CTNNA3: variants seen among roughly 807,000 people sequenced by gnomAD.
CTNNA3 encodes catenin alpha 3.
Under a neutral mutation model 95.7 loss-of-function variants are expected in CTNNA3, and 76 were observed. The observed-to-expected ratio is 0.79, with a 90% CI of 0.66 to 0.96. CTNNA3 has a LOEUF of 0.96. Among genes scored for constraint, CTNNA3 ranks in the 40% least tolerant of loss-of-function variants. The pLI is 0.00. For synonymous variants in CTNNA3, 431 were observed against 374.4 expected (o/e 1.15, Z -1.74); for missense variants, 1,191 against 1,089.8 (o/e 1.09, Z -1.31).
chr10:67,187,442 C>A (rs1158551763), intron 6 of CTNNA3, among the ~76,000 whole-genome samples: 5 of 152,142 alleles, frequency 3.3e-5, no homozygotes, highest in Non-Finnish European at 1.5e-5. Flanking sequence ...CTTCTTCATT[C>A]ACCTGAGTCT....
intron 11 of CTNNA3, among the ~76,000 whole-genome samples, chr10:66,502,883 C>T (rs1840326159): frequency 6.6e-6 from 1 of 151,958 alleles, no homozygotes; most frequent in South Asian, 2.1e-4. Flanking sequence ...ATTTACATTC[C>T]CAGAAGTATT....
intron 3 of CTNNA3, among the ~76,000 whole-genome samples, chr10:67,567,137 G>T (rs1029006424): frequency 6.6e-6 from 1 of 151,296 alleles, no homozygotes; most frequent in Non-Finnish European, 1.5e-5. Context: ...TAACCTGCAT[G>T]TTGTGCACAT....
intron 12 of CTNNA3, among the ~76,000 whole-genome samples, chr10:66,347,677 A>T (rs971496927): frequency 4.6e-5 from 7 of 152,042 alleles, no homozygotes; most frequent in Non-Finnish European, 8.8e-5. Context: ...TATATGTTTA[A>T]AAAAAGTTAA....
At chr10:67,068,661 A>G (rs1856243950) in intron 7 of CTNNA3, among the ~76,000 whole-genome samples, 1 of 152,228 alleles carries the variant, frequency 6.6e-6, no homozygotes, top group Non-Finnish European at 1.5e-5. Context: ...GAGGGGAGAG[A>G]GTTTTAATAA....
intron 9 of CTNNA3, among the ~76,000 whole-genome samples, chr10:66,697,250 A>G (rs1281003682): frequency 2.7e-5 from 4 of 149,418 alleles, no homozygotes; most frequent in African/African-American, 9.8e-5. Flanking sequence ...TATATCAGAT[A>G]TATCTATATA....
At chr10:66,578,275 G>A (rs1238216576) in intron 10 of CTNNA3, among the ~76,000 whole-genome samples, 1 of 151,874 alleles carries the variant, frequency 6.6e-6, no homozygotes, top group Non-Finnish European at 1.5e-5. Flanking sequence ...CCAAGAGTGA[G>A]TTAGACTTCC....
chr10:65,944,125 A>G (rs1344455998), intron 17 of CTNNA3, among the ~76,000 whole-genome samples: 1 of 152,228 alleles, frequency 6.6e-6, no homozygotes. Flanking sequence ...TTGGCAAAGG[A>G]AGATTCTTAA....
chr10:67,620,387 C>G (rs551303542), intron 2 of CTNNA3, among the ~76,000 whole-genome samples: 2 of 152,286 alleles, frequency 1.3e-5, no homozygotes, highest in East Asian at 1.9e-4. Flanking sequence ...CCAAAGGCCG[C>G]ATCTCCCACC....
chr10:66,927,939 CA>C lies in CTNNA3; in HGVS notation c.1048-152416del. ...TAAGGGAGAATACAATTATCTGTGC[CA>C]GTCCCAAAGAGCTGCAAGGAGTAAA... On this transcript the variant is annotated intron_variant, in intron 7 of 17. Coordinates refer to ENST00000433211, the MANE Select transcript of CTNNA3 (RefSeq NM_013266.4). This position sits in a 1 kb window ranked among gnomAD's most constrained non-coding sequence, Gnocchi z 4.7. The C allele has an allele frequency of 6.2e-7, 1 of 1,614,192 alleles. No homozygotes were observed. The highest frequency in any genetic ancestry group is 2.2e-5 in the East Asian group (1 of 44,882).
intron 7 of CTNNA3, among the ~76,000 whole-genome samples, chr10:66,928,975 G>T (rs567005944): frequency 6.6e-6 from 1 of 152,144 alleles, no homozygotes; most frequent in Non-Finnish European, 1.5e-5. Context: ...ACTTAGAAAA[G>T]AAAATTGCAG....
At chr10:67,438,947 A>T (rs1356384400) in intron 5 of CTNNA3, among the ~76,000 whole-genome samples, 2 of 152,092 alleles carry the variant, frequency 1.3e-5, no homozygotes, top group Non-Finnish European at 2.9e-5. Context: ...CGGGCCAGAG[A>T]GCTCTGGGGT....
intron 9 of CTNNA3, among the ~76,000 whole-genome samples, chr10:66,677,868 A>G (rs1846917560): frequency 6.6e-6 from 1 of 152,146 alleles, no homozygotes; most frequent in South Asian, 2.1e-4. Flanking sequence ...AACTTGGGTC[A>G]TTGTAATGGA....
intron 5 of CTNNA3, among the ~76,000 whole-genome samples, chr10:67,451,759 C>T (rs1020928130): frequency 1.3e-5 from 2 of 152,172 alleles, no homozygotes; most frequent in African/African-American, 4.8e-5. Flanking sequence ...ATTCTCAGTT[C>T]CCAGCTTTTC....
chr10:66,115,535 T>TAGAC (rs1554853217), intron 13 of CTNNA3, among the ~76,000 whole-genome samples: 2 of 130,594 alleles, frequency 1.5e-5, no homozygotes, highest in South Asian at 5.3e-4. Flanking sequence ...GATAGATAGA[T>TAGAC]AGATAGATAG....
At chr10:67,023,586 G>A (rs913148355) in intron 7 of CTNNA3, among the ~76,000 whole-genome samples, 2 of 152,126 alleles carry the variant, frequency 1.3e-5, no homozygotes, top group African/African-American at 4.8e-5. Context: ...TGTCAGACAA[G>A]GTGATGATCC....
chr10:66,762,219 G>C (rs945282547), intron 9 of CTNNA3, among the ~76,000 whole-genome samples: 2 of 152,058 alleles, frequency 1.3e-5, no homozygotes, highest in Non-Finnish European at 2.9e-5. Context: ...CACCAACAAG[G>C]TGAGATCAAA....
chr10:67,352,604 T>A (rs540964825), intron 5 of CTNNA3, among the ~76,000 whole-genome samples: 39 of 152,136 alleles, frequency 2.6e-4, no homozygotes, highest in Non-Finnish European at 3.5e-4. Context: ...TAGAAAGGTA[T>A]GAATGTTCCA....
At chr10:66,621,103 C>T (rs767978740) in intron 10 of CTNNA3, among the ~76,000 whole-genome samples, 16 of 151,982 alleles carry the variant, frequency 1.1e-4, no homozygotes, top group Admixed American at 3.9e-4. Context: ...GAAAATATTT[C>T]TTAACTTTTT....
chr10:66,002,631 G>T (rs191644199), intron 15 of CTNNA3, among the ~76,000 whole-genome samples: 2 of 151,800 alleles, frequency 1.3e-5, no homozygotes, highest in East Asian at 3.9e-4. Flanking sequence ...AGTTGTTCAA[G>T]GACCTAGGTA....
Sources: allele counts gnomAD v4.1 joint callset (sites outside exome capture counted in the v4.1 genomes callset), GRCh38; gene constraint gnomAD v4.1.1; non-coding constraint Gnocchi (gnomAD v3.1); transcripts MANE v1.5; gene names NCBI Gene and HGNC (gene_info 2026-07-23, HGNC 2026-07-21).